RSRC1: variants seen among roughly 807,000 people sequenced by gnomAD.
The protein encoded by RSRC1 is serine/Arginine-related protein 53.
Under a neutral mutation model 49.1 loss-of-function variants are expected in RSRC1, and 39 were observed. The observed-to-expected ratio is 0.79, with a 90% CI of 0.61 to 1.04. RSRC1 has a LOEUF of 1.04. Among genes scored for constraint, RSRC1 ranks in the 50% least tolerant of loss-of-function variants. RSRC1 has a pLI of 0.00. For missense variants in RSRC1, 388 were observed against 402.4 expected, an observed-to-expected ratio of 0.96 and a Z score of 0.31; for synonymous variants, 143 against 130.8, an observed-to-expected ratio of 1.09 and a Z score of -0.63.
chr3:158,174,049 A>G (rs114029403), intron 3 of RSRC1, among the ~76,000 whole-genome samples: 4,013 of 152,024 alleles, frequency 0.026, 159 homozygotes, highest in African/African-American at 0.092. Context: ...TGGTAAATTT[A>G]CTAAAAAGTC....
intron 6 of RSRC1, among the ~76,000 whole-genome samples, chr3:158,388,314 A>C (rs975731271): frequency 6.6e-6 from 1 of 152,050 alleles, no homozygotes; most frequent in Admixed American, 6.5e-5. Flanking sequence ...ATATTTATGG[A>C]AAAATAATCC....
At chr3:158,464,185 G>A (rs1359544401) in intron 7 of RSRC1, among the ~76,000 whole-genome samples, 1 of 151,954 alleles carries the variant, frequency 6.6e-6, no homozygotes, top group African/African-American at 2.4e-5. Flanking sequence ...TAATTAAAAA[G>A]CATTTAACTT....
chr3:158,223,368 G>A lies in RSRC1; in HGVS notation c.494+20123G>A, dbSNP rs568856174. Among the ~76,000 whole-genome samples the A allele has an allele frequency of 5.9e-5, 9 of 151,664 alleles. No individual in the cohort carries two copies. In the South Asian group the frequency reaches 1.9e-3, roughly 32 times the overall value. ...AAAGGGCCAGATTGTAAATATTTTA[G>A]GCTTTTCAGGCTGAGAGGCAAAATC... On this transcript the variant is annotated intron_variant, in intron 4 of 9. Transcript: ENST00000611884.
At chr3:158,377,529 A>T (rs533480103) in intron 6 of RSRC1, among the ~76,000 whole-genome samples, 15 of 152,058 alleles carry the variant, frequency 9.9e-5, no homozygotes, top group Admixed American at 1.3e-4. Context: ...TTCTCTTGCT[A>T]TGTGATATAC....
At chr3:158,207,009 C>G (rs1458781968) in intron 4 of RSRC1, among the ~76,000 whole-genome samples, 1 of 152,078 alleles carries the variant, frequency 6.6e-6, no homozygotes, top group Non-Finnish European at 1.5e-5. Flanking sequence ...ATTTAATAAC[C>G]TGATGAAATA....
chr3:158,316,696 G>A (rs995431730), intron 5 of RSRC1, among the ~76,000 whole-genome samples: 1 of 151,880 alleles, frequency 6.6e-6, no homozygotes, highest in South Asian at 2.1e-4. Flanking sequence ...CGCCCGCCTC[G>A]GCCTCCCAAA....
intron 7 of RSRC1, among the ~76,000 whole-genome samples, chr3:158,509,460 A>G (rs1740036080): frequency 6.6e-6 from 1 of 152,106 alleles, no homozygotes; most frequent in African/African-American, 2.4e-5. Flanking sequence ...AATTCTCTCT[A>G]TGCTTTCACC....
chr3:158,130,172 G>A (rs1225532094), intron 3 of RSRC1, among the ~76,000 whole-genome samples: 2 of 152,052 alleles, frequency 1.3e-5, no homozygotes, highest in Admixed American at 6.6e-5. Context: ...AGATCATAGA[G>A]AGGAAGCAAA....
chr3:158,252,777 A>G (rs1095640), intron 4 of RSRC1, among the ~76,000 whole-genome samples: 72,362 of 151,872 alleles, frequency 0.48, 17,792 homozygotes, highest in East Asian at 0.64. Context: ...ATACTGGTCT[A>G]TTCACGTTTT....
intron 6 of RSRC1, among the ~76,000 whole-genome samples, chr3:158,423,872 C>G (rs1735238995): frequency 6.6e-6 from 1 of 150,766 alleles, no homozygotes; most frequent in African/African-American, 2.4e-5. Context: ...ATTTGGCTCT[C>G]TGTCTGTTAT....
At position 158,126,477 on chromosome 3, in the gene RSRC1, G is replaced by A. The variant is rs564718680; in HGVS notation, c.320+2486G>A. 9.9e-5 allele frequency among the ~76,000 whole-genome samples: 15 copies of A among 151,730 alleles called. 1 individual carries two copies. In the South Asian group the frequency reaches 2.1e-3, roughly 21 times the overall value. On this transcript the variant is annotated intron_variant, in intron 3 of 9. Coordinates refer to ENST00000611884, the MANE Select transcript of RSRC1 (RefSeq NM_001271838.2). ...GACTTTATACAAAAATACTGCTCTT[G>A]TATGTTTCTCCACTTCTATTTTATG...
At chr3:158,310,826 A>G (rs1427810544) in intron 5 of RSRC1, among the ~76,000 whole-genome samples, 2 of 151,808 alleles carry the variant, frequency 1.3e-5, no homozygotes, top group Non-Finnish European at 3.0e-5. Context: ...TTATTCCCAG[A>G]TACATGGTAC....
intron 7 of RSRC1, among the ~76,000 whole-genome samples, chr3:158,497,130 A>C (rs1407789129): frequency 6.6e-6 from 1 of 152,130 alleles, no homozygotes; most frequent in Non-Finnish European, 1.5e-5. Context: ...GTATATTCAC[A>C]CTGTTGTACA....
chr3:158,302,522 G>A lies in RSRC1; in HGVS notation c.531+4447G>A, dbSNP rs1235874845. ...TGTCTGTTATCACAGAAGGGTTGAA[G>A]GAGTGGAGGTGGGTGGTTATTAGAT... On this transcript the variant is annotated intron_variant, in intron 5 of 9. Coordinates refer to ENST00000611884, the MANE Select transcript of RSRC1 (RefSeq NM_001271838.2). Among the ~76,000 whole-genome samples, 4 of 150,394 alleles carry A rather than the reference G, an allele frequency of 2.7e-5. No homozygotes were observed. The South Asian group carries it at 8.5e-4, about 32-fold the overall frequency.
rs558215181 is a variant in RSRC1, at chr3:158,209,432, A to G, written c.494+6187A>G. Among the ~76,000 whole-genome samples, 3 of 152,192 alleles carry G rather than the reference A, an allele frequency of 2.0e-5. No individual in the cohort carries two copies. The South Asian group carries it at 6.2e-4, about 32-fold the overall frequency. On this transcript the variant is annotated intron_variant, in intron 4 of 9. Coordinates refer to ENST00000611884, the MANE Select transcript of RSRC1 (RefSeq NM_001271838.2). ...CAGAACTGTGAGGCAATAAATTTTT[A>G]TTCATTATAAACTAATGACCCAAAC...
chr3:158,302,339 C>T (rs1005899382), intron 5 of RSRC1, among the ~76,000 whole-genome samples: 10 of 151,940 alleles, frequency 6.6e-5, no homozygotes, highest in Admixed American at 6.6e-5. Context: ...TAGCTCAGTG[C>T]CTATAACATT....
chr3:158,112,997 A>G lies in RSRC1; in HGVS notation c.-3+2774A>G, dbSNP rs150908976. Reference sequence around the variant, plus strand: ...CTCATTCTTTTTTTGTGGCTCCATAATATTCTGTGATGTATATGTACCACA... The same window carrying G: ...CTCATTCTTTTTTTGTGGCTCCATAGTATTCTGTGATGTATATGTACCACA... On this transcript the variant is annotated intron_variant, in intron 1 of 9. Transcript: ENST00000611884. 6.6e-3 allele frequency among the ~76,000 whole-genome samples: 1,012 copies of G among 152,234 alleles called. 11 individuals are homozygous for G. Among genetic ancestry groups the G allele is most frequent in the African/African-American group, 0.023 (970 of 41,530 alleles).
intron 7 of RSRC1, among the ~76,000 whole-genome samples, chr3:158,533,435 A>G (rs565428948): frequency 6.6e-6 from 1 of 151,696 alleles, no homozygotes; most frequent in African/African-American, 2.4e-5. Flanking sequence ...AATTTTTCCA[A>G]TGCTATTTTG....
chr3:158,229,370 A>C (rs546536520), intron 4 of RSRC1, among the ~76,000 whole-genome samples: 19 of 107,422 alleles, frequency 1.8e-4, no homozygotes, highest in African/African-American at 5.8e-4. Context: ...ATACACACGT[A>C]TATGTGTATG....
Sources: allele counts gnomAD v4.1 joint callset (sites outside exome capture counted in the v4.1 genomes callset), GRCh38; gene constraint gnomAD v4.1.1; transcripts MANE v1.5; gene names NCBI Gene and HGNC (gene_info 2026-07-23, HGNC 2026-07-21).